PTPRD: variants seen among roughly 807,000 people sequenced by gnomAD.
PTPRD encodes the protein protein tyrosine phosphatase receptor type D, also known as receptor-type tyrosine-protein phosphatase delta.
In PTPRD, 34 loss-of-function variants were observed where a neutral mutation model predicts 214.5. That is an observed-to-expected ratio of 0.16 (90% CI 0.12 to 0.21). The LOEUF (loss-of-function observed/expected upper bound fraction) is 0.21, where lower values mean the gene tolerates loss of function less well. Among genes scored for constraint, PTPRD ranks in the 10% least tolerant of loss-of-function variants. PTPRD has a pLI of 1.00. For synonymous variants in PTPRD, 1,128 were observed against 845.7 expected, an observed-to-expected ratio of 1.33 and a Z score of -5.79; for missense variants, 2,545 against 2,398.7, an observed-to-expected ratio of 1.06 and a Z score of -1.27.
intron 2 of PTPRD, among the ~76,000 whole-genome samples, chr9:10,608,964 C>T (rs1044263455): frequency 4.6e-5 from 7 of 152,088 alleles, no homozygotes; most frequent in Non-Finnish European, 8.8e-5. Context: ...AGAAATTGCA[C>T]TTTAATACAT....
chr9:9,438,738 A>G (rs955784156), intron 8 of PTPRD, among the ~76,000 whole-genome samples: 2 of 152,202 alleles, frequency 1.3e-5, no homozygotes, highest in African/African-American at 4.8e-5. Flanking sequence ...CAATTTGAGA[A>G]GAAAATTATG....
intron 3 of PTPRD, among the ~76,000 whole-genome samples, chr9:10,110,965 G>C (rs538921430): frequency 2.0e-4 from 30 of 152,192 alleles, no homozygotes; most frequent in African/African-American, 7.2e-4. Context: ...TGATGTATGA[G>C]GATTTTTGAT....
chr9:8,998,984 A>G (rs1283368001), intron 11 of PTPRD, among the ~76,000 whole-genome samples: 1 of 152,126 alleles, frequency 6.6e-6, no homozygotes, highest in Non-Finnish European at 1.5e-5. Flanking sequence ...GAATTGCTAC[A>G]GTCCCATGAT....
At chr9:10,523,979 G>A (rs1039232932) in intron 2 of PTPRD, among the ~76,000 whole-genome samples, 1 of 151,990 alleles carries the variant, frequency 6.6e-6, no homozygotes, top group African/African-American at 2.4e-5. Context: ...CTGCAAGCTA[G>A]AAGTCCAAGA....
rs60438547 is a variant in PTPRD, at chr9:8,934,520, A to AATATATAT, written c.-104+84169_-104+84176dup. 4.6e-3 allele frequency among the ~76,000 whole-genome samples: 79 copies of AATATATAT among 17,052 alleles called. 3 individuals carry two copies. The highest frequency in any genetic ancestry group is 0.016 in the African/African-American group (76 of 4,622). The allele number at this position is 17,052 out of a possible 152,430, so 11.2% of individuals were successfully genotyped here. ...ATATATATATAAATATATATATATA[A>AATATATAT]ATATATATATATATGGGAAACCATA... On this transcript the variant is annotated intron_variant, in intron 11 of 45. Coordinates refer to ENST00000381196, the MANE Select transcript of PTPRD (RefSeq NM_002839.4).
At chr9:8,401,364 C>T (rs1353995896) in intron 36 of PTPRD, among the ~76,000 whole-genome samples, 1 of 152,042 alleles carries the variant, frequency 6.6e-6, no homozygotes, top group Non-Finnish European at 1.5e-5. Flanking sequence ...TAACTCATTA[C>T]AATAAATCCT....
chr9:10,533,473 T>G (rs2056977121), intron 2 of PTPRD, among the ~76,000 whole-genome samples: 1 of 152,146 alleles, frequency 6.6e-6, no homozygotes, highest in Admixed American at 6.6e-5. Context: ...TACACTCAGC[T>G]GTCTCGCTGA....
intron 11 of PTPRD, among the ~76,000 whole-genome samples, chr9:8,934,494 A>ATAAAT (rs2098981278): frequency 1.3e-4 from 1 of 7,434 alleles, no homozygotes; most frequent in Non-Finnish European, 2.6e-4. Flanking sequence ...TATATATATA[A>ATAAAT]ATATATATAT....
At chr9:9,828,826 T>G (rs1177177452) in intron 5 of PTPRD, among the ~76,000 whole-genome samples, 1 of 151,866 alleles carries the variant, frequency 6.6e-6, no homozygotes, top group East Asian at 1.9e-4. Context: ...TTAAAAGCAT[T>G]TCATGCTAGA....
chr9:9,603,874 G>C (rs2093964224), intron 7 of PTPRD, among the ~76,000 whole-genome samples: 2 of 151,908 alleles, frequency 1.3e-5, no homozygotes, highest in Admixed American at 6.6e-5. Context: ...TTAGTTTCAG[G>C]GGTACAGGTG....
intron 11 of PTPRD, among the ~76,000 whole-genome samples, chr9:8,867,780 G>A (rs191012643): frequency 1.3e-5 from 2 of 152,152 alleles, no homozygotes; most frequent in East Asian, 3.9e-4. Flanking sequence ...TTCTTTCTAT[G>A]CTTCTGCCAT....
intron 2 of PTPRD, among the ~76,000 whole-genome samples, chr9:10,575,441 G>C (rs1263408037): frequency 6.6e-6 from 1 of 152,052 alleles, no homozygotes; most frequent in Admixed American, 6.6e-5. Context: ...TTTTAGTCAT[G>C]ATCTAAAGTA....
At chr9:9,023,310 GC>G (rs1330393962) in intron 10 of PTPRD, among the ~76,000 whole-genome samples, 1 of 151,890 alleles carries the variant, frequency 6.6e-6, no homozygotes, top group Non-Finnish European at 1.5e-5. Flanking sequence ...TGTTACTAAG[GC>G]CCAGAAATAA....
intron 7 of PTPRD, among the ~76,000 whole-genome samples, chr9:9,666,902 T>C (rs1165773150): frequency 1.3e-5 from 2 of 151,738 alleles, no homozygotes; most frequent in Non-Finnish European, 3.0e-5. Flanking sequence ...GGATACATTG[T>C]TGTATTTAAT....
intron 9 of PTPRD, among the ~76,000 whole-genome samples, chr9:9,303,784 A>G (rs1474531329): frequency 6.6e-6 from 1 of 152,112 alleles, no homozygotes; most frequent in Non-Finnish European, 1.5e-5. Context: ...GTCTCAGATA[A>G]AAAGTGAGAA....
chr9:10,580,938 G>C (rs1169868611), intron 2 of PTPRD, among the ~76,000 whole-genome samples: 2 of 152,092 alleles, frequency 1.3e-5, no homozygotes, highest in Non-Finnish European at 1.5e-5. Flanking sequence ...CTCAAATATA[G>C]GAAATGTTTG....
chr9:8,492,130 T>C (rs2097162607), intron 27 of PTPRD, among the ~76,000 whole-genome samples: 1 of 152,190 alleles, frequency 6.6e-6, no homozygotes, highest in African/African-American at 2.4e-5. Context: ...CTTTTCTTCT[T>C]TTTCTTTTTT....
At chr9:9,294,032 T>G (rs1020138239) in intron 9 of PTPRD, among the ~76,000 whole-genome samples, 2 of 151,624 alleles carry the variant, frequency 1.3e-5, no homozygotes, top group African/African-American at 4.8e-5. Context: ...CAAGCACCTG[T>G]GATACTGCCA....
At chr9:8,836,850 G>C (rs531072726) in intron 11 of PTPRD, among the ~76,000 whole-genome samples, 34 of 151,734 alleles carry the variant, frequency 2.2e-4, no homozygotes, top group Non-Finnish European at 4.6e-4. Flanking sequence ...CCCAACAGCT[G>C]ATTAGACTAG....
Sources: gnomAD v4.1 joint callset for allele counts (sites outside exome capture counted in the v4.1 genomes callset) on GRCh38, gnomAD v4.1.1 for gene constraint, MANE v1.5 for transcripts, NCBI Gene and HGNC (gene_info 2026-07-23, HGNC 2026-07-21) for gene names.